The following CPSF1 variants were observed in gnomAD, a reference collection of about 807,000 sequenced individuals.
CPSF1 encodes the protein cleavage and polyadenylation specificity factor subunit 1.
In CPSF1, 106 loss-of-function variants were observed where a neutral mutation model predicts 175.8. The ratio of observed to expected loss-of-function variants is 0.60; its 90% CI spans 0.52 to 0.71. The LOEUF (loss-of-function observed/expected upper bound fraction) is 0.71. CPSF1 is among the 30% of genes least tolerant of loss of function. The pLI is 0.00. For synonymous variants in CPSF1, 1,024 were observed against 858.3 expected (o/e 1.19, Z -3.37); for missense variants, 1,734 against 2,022.9 (o/e 0.86, Z 2.74).
rs2116857634 is a variant in CPSF1 at position 144,399,054 on chromosome 8, G to A, written c.1468-16C>T. ...TGTTCTGAAACTGCACAGGACTCGG[G>A]GGTGAGGACTATGCCCCCCACCCCC... On this transcript the variant is annotated splice_polypyrimidine_tract_variant and intron_variant, in intron 15 of 37. Transcript: ENST00000616140. This position sits in a 1 kb window ranked among gnomAD's most constrained non-coding sequence, Gnocchi z 6.4. The A allele has an allele frequency of 3.2e-6, 5 of 1,569,526 alleles. No homozygotes were observed. The highest frequency in any genetic ancestry group is 4.3e-6 in the Non-Finnish European group (5 of 1,157,802).
intron 26 of CPSF1, chr8:144,396,034 G>A (rs1820700062): frequency 4.5e-6 from 2 of 447,382 alleles, no homozygotes; most frequent in Non-Finnish European, 8.1e-6. Flanking sequence ...GAGCAGCCAA[G>A]GGGCAGAGCT....
chr8:144,405,153 G>A (rs1400413200), intron 2 of CPSF1, among the ~76,000 whole-genome samples: 2 of 152,182 alleles, frequency 1.3e-5, no homozygotes, highest in Non-Finnish European at 2.9e-5. Flanking sequence ...AGTTACAAAA[G>A]GAAGAAATAA....
At position 144,397,353 on chromosome 8, in the gene CPSF1, G is replaced by T. The variant is rs782359045; in HGVS notation, c.2446C>A (p.Arg816=). 1.3e-6 allele frequency: 2 copies of T among 1,563,136 alleles called. No individual in the cohort carries two copies. The highest frequency in any genetic ancestry group is 4.8e-5 in the East Asian group (2 of 41,932). The part of the protein sequence containing the change: ...FLVKNFPVGQ[R]VLVDSSFGQP... ...CCAAAGGAGCTGTCCACAAGGACCC[G>T]CTGCCCCACAGGGAAGTTCTTCACC... The change falls in exon 23 of 38, where the codon CGG becomes AGG. Residue 816 remains arginine (R), a synonymous_variant. Transcript: ENST00000616140.
Position 144,399,553 on chromosome 8 carries a change from G to A in CPSF1, c.1242+35C>T. The stretch of plus-strand genomic sequence containing the variant: ...TGGCATGCCACAGCAGTGCCCACAT[G>A]AAGGGTGGTGGCCCAATGGGCCCAG... On this transcript the variant is annotated intron_variant, in intron 12 of 37. Coordinates refer to ENST00000616140, the MANE Select transcript of CPSF1 (RefSeq NM_013291.3). The surrounding 1 kb of genome is among the most constrained non-coding windows in gnomAD (Gnocchi z 6.4). The A allele has an allele frequency of 6.2e-7, 1 of 1,611,534 alleles. No homozygotes were observed. The highest frequency in any genetic ancestry group is 8.5e-7 in the Non-Finnish European group (1 of 1,179,246).
In CPSF1 at chr8:144,400,992, C is replaced by T. The variant is rs2116880208; in HGVS notation, c.471G>A (p.Thr157=). 51 of 1,610,558 alleles carry T rather than the reference C, an allele frequency of 3.2e-5. No individual in the cohort carries two copies. Among genetic ancestry groups the T allele is most frequent in the Non-Finnish European group, 4.0e-5 (47 of 1,178,522 alleles). Reference sequence around the variant, plus strand: ...TGCGGAAGGGCAGGACCACCAGCCGCGTGCCGTAGACAAGCATGGCTGCAC... The same window carrying T: ...TGCGGAAGGGCAGGACCACCAGCCGTGTGCCGTAGACAAGCATGGCTGCAC... ...GRCAAMLVYG[T]RLVVLPFRRE... is the part of the protein sequence containing the mutation. The change falls in exon 6 of 38, where the codon ACG becomes ACA. Residue 157 remains threonine (T), a synonymous_variant. Transcript: ENST00000616140.
intron 2 of CPSF1, among the ~76,000 whole-genome samples, chr8:144,405,517 G>A (rs143508540): frequency 0.015 from 2,332 of 152,150 alleles, 61 homozygotes; most frequent in African/African-American, 0.053. Context: ...CCAGCTACTC[G>A]GGAGGTTGAG....
intron 2 of CPSF1, among the ~76,000 whole-genome samples, chr8:144,401,990 C>T (rs1258960928): frequency 6.6e-6 from 1 of 152,214 alleles, no homozygotes; most frequent in Non-Finnish European, 1.5e-5. Flanking sequence ...TGCACACCCC[C>T]AAACCTGCCT....
intron 9 of CPSF1, 31 bp downstream of exon 9, chr8:144,400,135 G>GGGCGCCCCCCCCCCCCCCCCC: frequency 3.3e-6 from 3 of 896,008 alleles, no homozygotes; most frequent in Non-Finnish European, 4.8e-6. Context: ...CCGTCCCCGG[G>GGGCGCCCCCCCCCCCCCCCCC]CCCCCCCCGC....
intron 26 of CPSF1, 33 bp from the exon 27 acceptor site, chr8:144,395,584 G>T: frequency 6.7e-7 from 1 of 1,488,552 alleles, no homozygotes; most frequent in East Asian, 2.3e-5. Context: ...AGGGGATCCA[G>T]GGCTAGCCAA....
At chr8:144,395,594 A>G (rs1564686354) in intron 26 of CPSF1, 43 bp from the exon 27 acceptor site, 5 of 1,512,420 alleles carry the variant, frequency 3.3e-6, no homozygotes, top group Non-Finnish European at 3.6e-6. Context: ...GGGCTAGCCA[A>G]GGGCAGGGGC....
intron 9 of CPSF1, 40 bp downstream of exon 9, chr8:144,400,126 C>T (rs2116870597): frequency 2.5e-5 from 36 of 1,432,930 alleles, no homozygotes; most frequent in African/African-American, 3.3e-5. Context: ...AGGCCCAAGC[C>T]GTCCCCGGGC....
At position 144,393,524 on chromosome 8, in the gene CPSF1, G is replaced by T. The variant is rs559424398; in HGVS notation, c.4212C>A (p.Leu1404=). ...TGGTGCTCAGGTACAGGTAGCGGTT[G>T]AGCAGCTCCCCATCCAGCACGTTGC... The part of the protein sequence containing the change: ...AVRNVLDGEL[L]NRYLYLSTME... Residue 1404 remains leucine, a synonymous_variant, in exon 37 of 38, where the codon CTC becomes CTA. Transcript: ENST00000616140. 11 of 1,595,606 alleles carry T rather than the reference G, an allele frequency of 6.9e-6. No individual in the cohort carries two copies. In the African/African-American group the frequency reaches 1.5e-4, roughly 21 times the overall value.
In CPSF1 at chr8:144,396,735, G is replaced by A; in HGVS notation, c.2689C>T (p.His897Tyr). The change falls in exon 25 of 38, where the codon CAC (histidine) becomes TAC (tyrosine). Residue 897 changes from histidine (H) to tyrosine (Y), a missense_variant. Around this residue, in one of 10 missense-constraint regions of CPSF1, gnomAD observed 585 missense variants for 584.7 expected, o/e 1.00. Coordinates refer to ENST00000616140, the MANE Select transcript of CPSF1 (RefSeq NM_013291.3). ...NLKVRFKKVP[H>Y]NINFREKKPK... is the part of the protein sequence containing the mutation. ...TTCTTCTCACGGAAGTTGATGTTGT[G>A]AGGGACCTGGGGGGGAACCATGCAG... The A allele has an allele frequency of 6.2e-7, 1 of 1,613,876 alleles. No homozygotes were observed. The highest frequency in any genetic ancestry group is 8.5e-7 in the Non-Finnish European group (1 of 1,179,970).
chr8:144,394,691 C>T lies in CPSF1; in HGVS notation c.3520G>A (p.Ala1174Thr), dbSNP rs782673364. The change falls in exon 31 of 38, where the codon GCC becomes ACC. Residue 1174 changes from alanine (A) to threonine (T), a missense_variant. By Grantham distance (58) the Ala-to-Thr change is moderately conservative. Coordinates refer to ENST00000616140, the MANE Select transcript of CPSF1 (RefSeq NM_013291.3). Reference protein sequence around the residue: ...YEKEQKGPVTALCHCNGHLVS... With the variant: ...YEKEQKGPVTTLCHCNGHLVS... ...AGGTGGCCATTGCAGTGGCACAGGG[C>T]GGTCACGGGCCCCTTCTGCTCCTTC... is the stretch of plus-strand genomic sequence containing the variant. The T allele has an allele frequency of 1.3e-5, 21 of 1,612,148 alleles. No homozygotes were observed. Among genetic ancestry groups the T allele is most frequent in the South Asian group, 6.6e-5 (6 of 90,924 alleles).
At chr8:144,402,882 G>A (rs1821295861) in intron 2 of CPSF1, among the ~76,000 whole-genome samples, 1 of 152,178 alleles carries the variant, frequency 6.6e-6, no homozygotes, top group African/African-American at 2.4e-5. Context: ...CAAAACGCCT[G>A]CAGATGAGCC....
intron 2 of CPSF1, among the ~76,000 whole-genome samples, chr8:144,402,330 C>T (rs1195825593): frequency 1.3e-5 from 2 of 151,936 alleles, no homozygotes; most frequent in African/African-American, 2.4e-5. Flanking sequence ...GTTTTTGAGA[C>T]GGAGTCTCAC....
Position 144,397,678 on chromosome 8 carries a change from G to A in CPSF1, c.2211-17C>T, listed in dbSNP as rs1554864494. On this transcript the variant is annotated splice_polypyrimidine_tract_variant and intron_variant, in intron 21 of 37. Transcript: ENST00000616140. ...ACTGTGGGGCTGGGGGCCAGCAGAA[G>A]GTCATGGGCGGCCTGCCAGCCCCAG... The A allele has an allele frequency of 6.4e-7, 1 of 1,550,642 alleles. No homozygotes were observed. Among genetic ancestry groups the A allele is most frequent in the Non-Finnish European group, 8.7e-7 (1 of 1,144,544 alleles).
At chr8:144,400,132 C>G in intron 9 of CPSF1, 34 bp downstream of exon 9, 4 of 1,067,926 alleles carry the variant, frequency 3.7e-6, no homozygotes, top group Non-Finnish European at 3.9e-6. Flanking sequence ...AAGCCGTCCC[C>G]GGGCCCCCCC....
rs376737871 is a variant in CPSF1, at chr8:144,396,556, G to C, written c.2826+42C>G. The C allele has an allele frequency of 1.9e-6, 3 of 1,607,864 alleles. No individual in the cohort carries two copies. In the African/African-American group the frequency reaches 4.0e-5, roughly 21 times the overall value. Reference sequence around the variant, plus strand: ...ATGAGGATGCTGCGGATGAGGCCGCGTCTCCCTTCTACCACAGACCCCTGC... The same window carrying C: ...ATGAGGATGCTGCGGATGAGGCCGCCTCTCCCTTCTACCACAGACCCCTGC... On this transcript the variant is annotated intron_variant, in intron 25 of 37. Transcript: ENST00000616140.
Sources: allele counts gnomAD v4.1 joint callset (sites outside exome capture counted in the v4.1 genomes callset), GRCh38; gene constraint gnomAD v4.1.1; regional missense constraint gnomAD v4.1.1; non-coding constraint Gnocchi (gnomAD v3.1); transcripts MANE v1.5; gene names NCBI Gene and HGNC (gene_info 2026-07-23, HGNC 2026-07-21).